PCDH15: variants seen among roughly 807,000 people sequenced by gnomAD.
PCDH15 encodes protocadherin-15.
PCDH15 carries 129 observed loss-of-function variants against 178.5 expected under a neutral mutation model. That is an observed-to-expected ratio of 0.72 (90% CI 0.63 to 0.84). PCDH15 has a LOEUF of 0.84. PCDH15 is among the 40% of genes least tolerant of loss of function. The pLI, the probability that PCDH15 is intolerant of heterozygous loss-of-function variation, is 0.00. For synonymous variants in PCDH15, 800 were observed against 732.0 expected, an observed-to-expected ratio of 1.09 and a Z score of -1.50; for missense variants, 2,230 against 2,099.9, an observed-to-expected ratio of 1.06 and a Z score of -1.21.
intron 11 of PCDH15, among the ~76,000 whole-genome samples, chr10:54,188,716 A>G (rs12253982): frequency 0.27 from 41,479 of 151,700 alleles, 6,361 homozygotes; most frequent in Non-Finnish European, 0.36. Flanking sequence ...ATATAAAACT[A>G]TGTTCAAAGA....
At chr10:54,174,769 G>A (rs1231865953) in intron 13 of PCDH15, among the ~76,000 whole-genome samples, 2 of 134,366 alleles carry the variant, frequency 1.5e-5, no homozygotes, top group African/African-American at 2.8e-5. Context: ...GCAATGGCGC[G>A]ATCTTGGCTC....
chr10:54,341,549 C>T (rs1942237114), intron 6 of PCDH15, among the ~76,000 whole-genome samples: 1 of 152,080 alleles, frequency 6.6e-6, no homozygotes, highest in African/African-American at 2.4e-5. Context: ...CAAACTAATA[C>T]AGGAAATTGG....
intron 25 of PCDH15, among the ~76,000 whole-genome samples, chr10:53,904,918 CTT>C (rs71004495): frequency 0.071 from 10,740 of 152,216 alleles, 445 homozygotes; most frequent in South Asian, 0.11. Flanking sequence ...TTTCAGAACT[CTT>C]AGAGTGACAG....
At position 54,788,068 on chromosome 10, in the gene PCDH15, C is replaced by T. The variant is rs1951059257; in HGVS notation, c.-29+12857G>A. On this transcript the variant is annotated intron_variant, in intron 1 of 37. Transcript: ENST00000644397. Reference sequence around the variant, plus strand: ...AGAAACAAAAAATAGGAAGGGTGACCATCAGGTGAAAAATAATGAGAACTT... The same window carrying T: ...AGAAACAAAAAATAGGAAGGGTGACTATCAGGTGAAAAATAATGAGAACTT... Among the ~76,000 whole-genome samples the T allele has an allele frequency of 2.6e-5, 4 of 151,488 alleles. No individual in the cohort carries two copies. In the South Asian group the frequency reaches 8.3e-4, roughly 31 times the overall value.
chr10:55,314,481 T>C (rs1481785985), intron 1 of PCDH15, among the ~76,000 whole-genome samples: 4 of 152,006 alleles, frequency 2.6e-5, no homozygotes, highest in Non-Finnish European at 1.5e-5. Flanking sequence ...TCATTCATTC[T>C]TGGGTTAACA....
At chr10:53,879,853 T>C (rs1191040802) in intron 26 of PCDH15, among the ~76,000 whole-genome samples, 1 of 152,154 alleles carries the variant, frequency 6.6e-6, no homozygotes, top group African/African-American at 2.4e-5. Context: ...GGTTTTGCCA[T>C]GTTGGCCAGG....
intron 3 of PCDH15, among the ~76,000 whole-genome samples, chr10:54,885,479 T>C (rs16906648): frequency 2.0e-5 from 3 of 151,806 alleles, no homozygotes; most frequent in South Asian, 4.2e-4. Context: ...ACAAACAGAT[T>C]AACAGGATGA....
intron 2 of PCDH15, among the ~76,000 whole-genome samples, chr10:55,114,738 A>G (rs1418572835): frequency 2.0e-5 from 3 of 152,190 alleles, no homozygotes; most frequent in Non-Finnish European, 4.4e-5. Context: ...TACAAGATGG[A>G]AAGGGTCTGG....
At chr10:55,459,066 C>G (rs1839613759) in intron 2 of PCDH15, among the ~76,000 whole-genome samples, 1 of 151,406 alleles carries the variant, frequency 6.6e-6, no homozygotes, top group Admixed American at 6.6e-5. Context: ...GACTTAAGAA[C>G]CAGATAAAGG....
chr10:55,608,687 G>A (rs1843288175), intron 2 of PCDH15, among the ~76,000 whole-genome samples: 1 of 151,874 alleles, frequency 6.6e-6, no homozygotes, highest in African/African-American at 2.4e-5. Flanking sequence ...GAGGAAATGG[G>A]AGATCAGTCT....
intron 21 of PCDH15, among the ~76,000 whole-genome samples, chr10:53,976,009 A>T (rs909454402): frequency 6.6e-6 from 1 of 152,216 alleles, no homozygotes; most frequent in Non-Finnish European, 1.5e-5. Flanking sequence ...TACTAGCACC[A>T]TTCACTGAAT....
chr10:54,752,078 C>T (rs1253223945), intron 1 of PCDH15, among the ~76,000 whole-genome samples: 1 of 152,090 alleles, frequency 6.6e-6, no homozygotes, highest in East Asian at 1.9e-4. Context: ...ATTTATAGTA[C>T]TTTCAATTTG....
chr10:53,856,041 T>C (rs1200452558), intron 28 of PCDH15, among the ~76,000 whole-genome samples: 4 of 150,786 alleles, frequency 2.7e-5, no homozygotes, highest in African/African-American at 9.7e-5. Flanking sequence ...AAAACAAACA[T>C]CATATGTTTT....
chr10:55,234,166 C>A lies in PCDH15; in HGVS notation c.-155-67515G>T, dbSNP rs142880004. 6.6e-3 allele frequency among the ~76,000 whole-genome samples: 1,007 copies of A among 152,118 alleles called. 14 individuals are homozygous for A. Among genetic ancestry groups the A allele is most frequent in the African/African-American group, 0.023 (945 of 41,442 alleles). On this transcript the variant is annotated intron_variant, in intron 1 of 5. Coordinates refer to the PCDH15 transcript ENST00000458638. ...TCAAATTAAAATCTGAATGAAAGAG[C>A]TCTGAGTTTCAAATATTAAATCAAC...
At chr10:54,297,294 G>A (rs1477292143) in intron 8 of PCDH15, among the ~76,000 whole-genome samples, 1 of 152,114 alleles carries the variant, frequency 6.6e-6, no homozygotes, top group Non-Finnish European at 1.5e-5. Flanking sequence ...CGCAAACCCT[G>A]AAAGAAAGGC....
intron 2 of PCDH15, among the ~76,000 whole-genome samples, chr10:54,617,710 C>G (rs1011412384): frequency 1.4e-5 from 2 of 138,604 alleles, no homozygotes; most frequent in Non-Finnish European, 3.0e-5. Context: ...GTCAGGAGTT[C>G]AAGACCAACC....
intron 3 of PCDH15, among the ~76,000 whole-genome samples, chr10:54,487,784 A>G (rs1484550301): frequency 6.6e-6 from 1 of 152,046 alleles, no homozygotes; most frequent in Non-Finnish European, 1.5e-5. Flanking sequence ...TGCTATAAAT[A>G]TAAGTAAATA....
intron 3 of PCDH15, among the ~76,000 whole-genome samples, chr10:54,882,038 T>C (rs1185318370): frequency 6.6e-6 from 1 of 152,120 alleles, no homozygotes; most frequent in Non-Finnish European, 1.5e-5. Context: ...GAAGAGTGCC[T>C]GGTTCCTAAG....
chr10:54,877,936 C>CTTTTTTTTTTTTTTTT (rs1954176789), intron 3 of PCDH15, among the ~76,000 whole-genome samples: 2 of 104,352 alleles, frequency 1.9e-5, no homozygotes, highest in Non-Finnish European at 4.0e-5. Context: ...CTCTCTCTCT[C>CTTTTTTTTTTTTTTTT]TCTTTTTTTT....
Sources: gnomAD v4.1 joint callset for allele counts (sites outside exome capture counted in the v4.1 genomes callset) on GRCh38, gnomAD v4.1.1 for gene constraint, MANE v1.5 for transcripts, NCBI Gene and HGNC (gene_info 2026-07-23, HGNC 2026-07-21) for gene names.